Variants in RBFOX1 observed in about 807,000 individuals in gnomAD.
RBFOX1 encodes RNA binding protein fox-1 homolog 1.
RBFOX1 carries 8 observed loss-of-function variants against 57.7 expected under a neutral mutation model. That is an observed-to-expected ratio of 0.14 (90% confidence interval 0.08 to 0.25). The LOEUF is 0.25. RBFOX1 is among the 10% of genes least tolerant of loss of function. The pLI is 1.00. For missense variants in RBFOX1, 611 were observed against 548.5 expected (o/e 1.11, Z -1.14); for synonymous variants, 326 against 222.4 (o/e 1.47, Z -4.15).
intron 3 of RBFOX1, among the ~76,000 whole-genome samples, chr16:7,020,676 C>G (rs1568400935): frequency 6.6e-6 from 1 of 152,176 alleles, no homozygotes; most frequent in Admixed American, 6.5e-5. Context: ...ACATTGGACA[C>G]TGTCTGTGTC....
chr16:5,786,243 C>T (rs2054496098), intron 3 of RBFOX1, among the ~76,000 whole-genome samples: 1 of 152,166 alleles, frequency 6.6e-6, no homozygotes, highest in South Asian at 2.1e-4. Context: ...TCTACTCCTT[C>T]CTCTCTTGCT....
chr16:5,747,000 G>T (rs1200568477), intron 3 of RBFOX1, among the ~76,000 whole-genome samples: 1 of 152,170 alleles, frequency 6.6e-6, no homozygotes, highest in Non-Finnish European at 1.5e-5. Context: ...GTGAGAGAGG[G>T]CATCCCTGTC....
chr16:7,674,424 C>CAGAT (rs1168306959), intron 13 of RBFOX1, among the ~76,000 whole-genome samples: 3 of 152,174 alleles, frequency 2.0e-5, no homozygotes, highest in Admixed American at 6.5e-5. Flanking sequence ...TTGGACAGCA[C>CAGAT]AGATATAGAA....
chr16:7,621,435 A>AT (rs891171570), intron 10 of RBFOX1, among the ~76,000 whole-genome samples: 8 of 151,620 alleles, frequency 5.3e-5, no homozygotes, highest in African/African-American at 1.5e-4. Context: ...TAATTATTGT[A>AT]TTTTTTTGTT....
chr16:5,876,421 G>A (rs1320097633), intron 4 of RBFOX1, among the ~76,000 whole-genome samples: 1 of 152,138 alleles, frequency 6.6e-6, no homozygotes, highest in Admixed American at 6.5e-5. Flanking sequence ...ACTCACACCC[G>A]AGGCTATCAG....
At chr16:5,404,891 G>C (rs1433403420) in intron 1 of RBFOX1, among the ~76,000 whole-genome samples, 2 of 152,212 alleles carry the variant, frequency 1.3e-5, no homozygotes, top group Non-Finnish European at 2.9e-5. Context: ...AAGCTTTCCA[G>C]CTTGGTCTTC....
At chr16:5,579,593 C>A (rs561596704) in intron 2 of RBFOX1, among the ~76,000 whole-genome samples, 28 of 152,256 alleles carry the variant, frequency 1.8e-4, no homozygotes, top group Admixed American at 1.0e-3. Context: ...CAAACCACGC[C>A]CTGGTGACCC....
At chr16:7,194,224 T>C (rs2086130936) in intron 4 of RBFOX1, among the ~76,000 whole-genome samples, 1 of 152,258 alleles carries the variant, frequency 6.6e-6, no homozygotes, top group Non-Finnish European at 1.5e-5. Flanking sequence ...CGGCTCAGTG[T>C]CTACAGGTAA....
chr16:6,255,736 T>A (rs2097657175), intron 1 of RBFOX1, among the ~76,000 whole-genome samples: 1 of 152,070 alleles, frequency 6.6e-6, no homozygotes, highest in Admixed American at 6.6e-5. Flanking sequence ...GTTCATGTCC[T>A]TTGCAGGGAC....
chr16:6,643,827 G>GT (rs1458736191), intron 2 of RBFOX1, among the ~76,000 whole-genome samples: 1 of 60,022 alleles, frequency 1.7e-5, no homozygotes, highest in African/African-American at 5.7e-5. Context: ...CTTTGTGAAG[G>GT]TTAAAAAATC....
chr16:7,163,471 C>G (rs1194035648), intron 4 of RBFOX1, among the ~76,000 whole-genome samples: 3 of 152,098 alleles, frequency 2.0e-5, no homozygotes, highest in African/African-American at 7.2e-5. Context: ...ATCCTTCACC[C>G]TCTGATCTGC....
At chr16:7,240,173 G>C (rs2093985445) in intron 4 of RBFOX1, among the ~76,000 whole-genome samples, 1 of 152,054 alleles carries the variant, frequency 6.6e-6, no homozygotes, top group African/African-American at 2.4e-5. Flanking sequence ...CACCATGTTG[G>C]CCAAGCTGGT....
chr16:5,567,677 C>G (rs1435890307), intron 2 of RBFOX1, among the ~76,000 whole-genome samples: 3 of 130,084 alleles, frequency 2.3e-5, no homozygotes, highest in African/African-American at 8.5e-5. Flanking sequence ...GATGGAAGGG[C>G]TGTGTCTATG....
intron 3 of RBFOX1, among the ~76,000 whole-genome samples, chr16:5,668,425 G>A (rs573139512): frequency 6.6e-6 from 1 of 152,326 alleles, no homozygotes; most frequent in Non-Finnish European, 1.5e-5. Flanking sequence ...GTGAGAAAGA[G>A]AAGTGCTTCA....
chr16:6,082,256 T>C (rs1333365581), intron 1 of RBFOX1, among the ~76,000 whole-genome samples: 1 of 145,700 alleles, frequency 6.9e-6, no homozygotes, highest in South Asian at 2.3e-4. Flanking sequence ...TCTCGGCTCA[T>C]TGCAACCTCT....
chr16:6,444,550 T>C (rs940929818), intron 2 of RBFOX1, among the ~76,000 whole-genome samples: 1 of 152,190 alleles, frequency 6.6e-6, no homozygotes, highest in African/African-American at 2.4e-5. Flanking sequence ...CTGCCATCCA[T>C]GTAAGACGTG....
At chr16:6,707,624 C>T (rs562124535) in intron 3 of RBFOX1, among the ~76,000 whole-genome samples, 86 of 152,002 alleles carry the variant, frequency 5.7e-4, no homozygotes, top group Admixed American at 9.2e-4. Context: ...TGCTGGATCT[C>T]CTTGGATGAA....
Position 7,552,400 on chromosome 16 carries a change from A to C in RBFOX1, c.271-27377A>C, listed in dbSNP as rs139088457. The stretch of plus-strand genomic sequence containing the variant: ...AAGTACTTCAGCACTGGAAGGTGAA[A>C]AGACTTCAGAAGACCTTTTCTGGAA... On this transcript the variant is annotated intron_variant, in intron 5 of 15. Transcript: ENST00000550418. Among the ~76,000 whole-genome samples the C allele has an allele frequency of 7.1e-3, 1,080 of 152,268 alleles. 9 individuals are homozygous for C. The highest frequency in any genetic ancestry group is 0.024 in the African/African-American group (1,015 of 41,532).
At chr16:6,440,767 C>T (rs900911068) in intron 2 of RBFOX1, among the ~76,000 whole-genome samples, 1 of 149,662 alleles carries the variant, frequency 6.7e-6, no homozygotes, top group Non-Finnish European at 1.5e-5. Context: ...TGCCAGTGTG[C>T]CTCAGCCTGG....
Sources: allele counts gnomAD v4.1 joint callset (sites outside exome capture counted in the v4.1 genomes callset), GRCh38; gene constraint gnomAD v4.1.1; transcripts MANE v1.5; gene names NCBI Gene and HGNC (gene_info 2026-07-23, HGNC 2026-07-21).